The following PPM1E variants were observed in gnomAD, a reference collection of about 807,000 sequenced individuals.
PPM1E encodes the protein protein phosphatase 1E.
In PPM1E, 20 loss-of-function variants were observed where a neutral mutation model predicts 65.9. That is an observed-to-expected ratio of 0.30 (90% confidence interval 0.21 to 0.44). The LOEUF (loss-of-function observed/expected upper bound fraction) is 0.44, where lower values mean the gene tolerates loss of function less well. Among genes scored for constraint, PPM1E ranks in the 20% least tolerant of loss-of-function variants. The pLI is 1.00. For missense variants in PPM1E, 713 were observed against 953.1 expected, an observed-to-expected ratio of 0.75 and a Z score of 3.32; for synonymous variants, 352 against 374.9, an observed-to-expected ratio of 0.94 and a Z score of 0.70.
intron 1 of PPM1E, among the ~76,000 whole-genome samples, chr17:58,913,150 G>A (rs2051647150): frequency 6.6e-6 from 1 of 152,160 alleles, no homozygotes; most frequent in African/African-American, 2.4e-5. Context: ...AATTTATAGT[G>A]AGTTGGTCAT....
intron 1 of PPM1E, among the ~76,000 whole-genome samples, chr17:58,937,974 G>A (rs899152345): frequency 2.6e-5 from 4 of 151,650 alleles, no homozygotes; most frequent in African/African-American, 9.7e-5. Flanking sequence ...TTCACTGCAA[G>A]GATTGATTGC....
At chr17:58,931,310 C>T (rs1413102822) in intron 1 of PPM1E, among the ~76,000 whole-genome samples, 4 of 148,564 alleles carry the variant, frequency 2.7e-5, no homozygotes, top group Non-Finnish European at 6.0e-5. Context: ...CGCTTGAACC[C>T]GGGAGGCGGA....
chr17:58,966,472 G>T (rs1314091723), intron 3 of PPM1E: 1 of 222,614 alleles, frequency 4.5e-6, no homozygotes, highest in African/African-American at 2.5e-5. Flanking sequence ...TAATCAAATG[G>T]TGTATTAAGT....
Position 58,980,137 on chromosome 17 carries a change from T to C in PPM1E, c.1374T>C (p.Asn458=), listed in dbSNP as rs1178228720. Residue 458 remains asparagine, a synonymous_variant, in exon 7 of 7, where the codon AAT becomes AAC. Transcript: ENST00000308249. This position sits in a 1 kb window ranked among gnomAD's most constrained non-coding sequence, Gnocchi z 4.7. ...TGTCCGACCACCTGAAAGAGAATAA[T>C]GGAGACAGCAGCATGGTTGCCCACA... ...KVVSDHLKEN[N]GDSSMVAHKL... is the part of the protein sequence containing the mutation. 2 of 1,614,004 alleles carry C rather than the reference T, an allele frequency of 1.2e-6. No individual in the cohort carries two copies. Among genetic ancestry groups the C allele is most frequent in the South Asian group, 1.1e-5 (1 of 91,064 alleles).
chr17:58,904,300 G>A (rs2051530496), intron 1 of PPM1E, among the ~76,000 whole-genome samples: 1 of 152,166 alleles, frequency 6.6e-6, no homozygotes, highest in Admixed American at 6.5e-5. Context: ...ATCTTGCTCA[G>A]TTACACAGAA....
At position 58,984,128 on chromosome 17, in the gene PPM1E, A is replaced by G. The variant is rs1483863561; in HGVS notation, c.*3097A>G. The G allele has an allele frequency of 6.6e-6, 1 of 152,650 alleles. No homozygotes were observed. The highest frequency in any genetic ancestry group is 1.9e-4 in the East Asian group (1 of 5,196). The allele number at this position is 152,650 out of a possible 1,614,324, so 9.5% of individuals were successfully genotyped here. ...TAGAAGTGCCATCCATTGTCCTTGA[A>G]TTATTATGATTAAAGTTACTGTTGC... On this transcript the variant is annotated 3_prime_UTR_variant, in exon 7 of 7. Transcript: ENST00000308249.
intron 1 of PPM1E, among the ~76,000 whole-genome samples, chr17:58,878,200 G>A (rs1032050817): frequency 6.6e-6 from 1 of 152,030 alleles, no homozygotes; most frequent in Non-Finnish European, 1.5e-5. Context: ...CTGACAGCTA[G>A]GGAAAGAAAC....
chr17:58,947,300 G>C (rs2052171707), intron 1 of PPM1E, among the ~76,000 whole-genome samples: 1 of 137,288 alleles, frequency 7.3e-6, no homozygotes, highest in South Asian at 2.4e-4. Context: ...GCAGTGACGT[G>C]ATCTCAGCTC....
At chr17:58,821,062 T>C (rs2050474755) in intron 1 of PPM1E, among the ~76,000 whole-genome samples, 1 of 152,088 alleles carries the variant, frequency 6.6e-6, no homozygotes, top group South Asian at 2.1e-4. Context: ...ATATAATTAA[T>C]ATTATAAACC....
At chr17:58,887,162 C>CTTTTTTTTTTTTTTTTTTTT (rs71143300) in intron 1 of PPM1E, among the ~76,000 whole-genome samples, 1 of 111,700 alleles carries the variant, frequency 9.0e-6, no homozygotes, top group Non-Finnish European at 1.8e-5. Flanking sequence ...AGGCCTTCTT[C>CTTTTTTTTTTTTTTTTTTTT]TTTTTTTTTT....
intron 1 of PPM1E, among the ~76,000 whole-genome samples, chr17:58,829,498 C>T (rs2050577107): frequency 6.6e-6 from 1 of 152,100 alleles, no homozygotes; most frequent in Non-Finnish European, 1.5e-5. Context: ...GTTAAACATC[C>T]TGGGTAATCA....
At chr17:58,861,845 C>T (rs2050945860) in intron 1 of PPM1E, among the ~76,000 whole-genome samples, 1 of 152,096 alleles carries the variant, frequency 6.6e-6, no homozygotes, top group South Asian at 2.1e-4. Flanking sequence ...AGGAGAATCA[C>T]TTGAACTCAG....
chr17:58,824,256 A>C (rs999952750), intron 1 of PPM1E, among the ~76,000 whole-genome samples: 33 of 152,276 alleles, frequency 2.2e-4, no homozygotes, highest in South Asian at 8.3e-4. Flanking sequence ...TTTCTCATAG[A>C]AAAAATCTGT....
Position 58,755,941 on chromosome 17 carries a change from A to C in PPM1E, c.-57A>C. On this transcript the variant is annotated 5_prime_UTR_variant, in exon 1 of 7. Transcript: ENST00000308249. The stretch of plus-strand genomic sequence containing the variant: ...GCCCTAGGCTCAAAAGCAGCCCCTT[A>C]CCCTTCCTGGGCTTCCCCCAACCCC... 1 of 1,608,950 alleles carries C rather than the reference A, an allele frequency of 6.2e-7. No homozygotes were observed. Among genetic ancestry groups the C allele is most frequent in the Non-Finnish European group, 8.5e-7 (1 of 1,177,468 alleles).
intron 1 of PPM1E, among the ~76,000 whole-genome samples, chr17:58,827,223 C>T (rs1182524597): frequency 6.6e-6 from 1 of 150,592 alleles, no homozygotes; most frequent in Non-Finnish European, 1.5e-5. Context: ...CTGCAATCTC[C>T]GCCTCCTGGG....
Position 58,980,472 on chromosome 17 carries a change from T to C in PPM1E, c.1709T>C (p.Leu570Pro). 1 of 1,614,156 alleles carries C rather than the reference T, an allele frequency of 6.2e-7. No homozygotes were observed. Among genetic ancestry groups the C allele is most frequent in the Non-Finnish European group, 8.5e-7 (1 of 1,180,022 alleles). ...QINVLEDPGYLDLTQIEASKP... is the reference protein window; with the variant it reads ...QINVLEDPGYPDLTQIEASKP... ...AACGTGCTGGAAGACCCAGGCTACC[T>C]AGATCTCACACAAATAGAAGCAAGC... is the stretch of plus-strand genomic sequence containing the variant. Residue 570 changes from leucine (L) to proline (P), a missense_variant, in exon 7 of 7, where the codon CTA becomes CCA. Physicochemically the swap from Leu to Pro is moderately conservative, Grantham distance 98. Coordinates refer to ENST00000308249, the MANE Select transcript of PPM1E (RefSeq NM_014906.5). This position sits in a 1 kb window ranked among gnomAD's most constrained non-coding sequence, Gnocchi z 4.7.
rs551976216 is a variant in PPM1E at position 58,824,203 on chromosome 17, A to AT, written c.464+67744dup. 1.5e-4 allele frequency among the ~76,000 whole-genome samples: 23 copies of AT among 152,332 alleles called. No individual in the cohort carries two copies. The East Asian group carries it at 4.4e-3, about 29-fold the overall frequency. The stretch of plus-strand genomic sequence containing the variant: ...TTCAAGGTAGAAAATGTACATAACA[A>AT]TTATCAGTCAATACATTTATTTATA... On this transcript the variant is annotated intron_variant, in intron 1 of 6. Transcript: ENST00000308249.
At chr17:58,786,262 C>T (rs1398433591) in intron 1 of PPM1E, among the ~76,000 whole-genome samples, 3 of 152,124 alleles carry the variant, frequency 2.0e-5, no homozygotes, top group African/African-American at 7.2e-5. Context: ...GATCTGCCCG[C>T]CTCGGCCTCC....
chr17:58,888,110 G>C (rs2051298852), intron 1 of PPM1E, among the ~76,000 whole-genome samples: 1 of 152,116 alleles, frequency 6.6e-6, no homozygotes, highest in Admixed American at 6.6e-5. Context: ...CAAGAGATTG[G>C]TTTTAGACAC....
Sources: gnomAD v4.1 joint callset for allele counts (sites outside exome capture counted in the v4.1 genomes callset) on GRCh38, gnomAD v4.1.1 for gene constraint, Gnocchi (gnomAD v3.1) non-coding constraint, MANE v1.5 for transcripts, NCBI Gene and HGNC (gene_info 2026-07-23, HGNC 2026-07-21) for gene names.